The following MSRA variants were observed in gnomAD, a reference collection of about 807,000 sequenced individuals.
MSRA encodes the protein mitochondrial peptide methionine sulfoxide reductase.
MSRA carries 54 observed loss-of-function variants against 31.3 expected under a neutral mutation model. That is an observed-to-expected ratio of 1.73 (90% CI 1.39 to 2.17). The LOEUF (loss-of-function observed/expected upper bound fraction) is 2.17, where lower values mean the gene tolerates loss of function less well. Ranked by LOEUF, MSRA falls within the 30% of genes most tolerant of loss-of-function variation. The pLI, the probability that MSRA is intolerant of heterozygous loss-of-function variation, is 0.00. For synonymous variants in MSRA, 169 were observed against 116.5 expected (o/e 1.45, Z -2.90); for missense variants, 507 against 300.9 (o/e 1.69, Z -5.07).
chr8:10,370,067 C>A (rs904055607), intron 5 of MSRA, among the ~76,000 whole-genome samples: 3 of 152,106 alleles, frequency 2.0e-5, no homozygotes, highest in Non-Finnish European at 4.4e-5. Context: ...TTTTGTTTTG[C>A]CATCATTTTT....
chr8:10,157,094 C>T (rs1027580067), intron 1 of MSRA, among the ~76,000 whole-genome samples: 1 of 151,988 alleles, frequency 6.6e-6, no homozygotes, highest in African/African-American at 2.4e-5. Flanking sequence ...AATTTAAACC[C>T]AGTTCTTTCT....
intron 5 of MSRA, among the ~76,000 whole-genome samples, chr8:10,384,466 C>G (rs1308348890): frequency 6.6e-6 from 1 of 152,234 alleles, no homozygotes; most frequent in African/African-American, 2.4e-5. Context: ...GTCTTTCTCT[C>G]TCCTGGTGGA....
intron 3 of MSRA, among the ~76,000 whole-genome samples, chr8:10,293,239 C>G (rs555183703): frequency 6.6e-6 from 1 of 152,136 alleles, no homozygotes; most frequent in Non-Finnish European, 1.5e-5. Flanking sequence ...TGCGCCATCC[C>G]TATGATGGGC....
intron 3 of MSRA, among the ~76,000 whole-genome samples, chr8:10,249,595 G>C (rs1051832917): frequency 6.6e-6 from 1 of 152,096 alleles, no homozygotes; most frequent in African/African-American, 2.4e-5. Context: ...CAGATGTTTT[G>C]GGCCTGAATT....
chr8:10,156,943 C>T (rs1804205763), intron 1 of MSRA, among the ~76,000 whole-genome samples: 1 of 150,740 alleles, frequency 6.6e-6, no homozygotes, highest in African/African-American at 2.4e-5. Flanking sequence ...TTTATGAAGA[C>T]CTACTGTGTG....
chr8:10,246,803 A>G lies in MSRA; in HGVS notation c.331+1580A>G, dbSNP rs375781567. 4.6e-5 allele frequency among the ~76,000 whole-genome samples: 7 copies of G among 152,370 alleles called. No individual in the cohort carries two copies. The South Asian group carries it at 1.4e-3, about 32-fold the overall frequency. ...ATGGAGAATGTGGTGTAACAAACAA[A>G]TATTTTAATGGTTATCCTATTTTTT... On this transcript the variant is annotated intron_variant, in intron 3 of 5. Coordinates refer to ENST00000317173, the MANE Select transcript of MSRA (RefSeq NM_012331.5).
intron 3 of MSRA, among the ~76,000 whole-genome samples, chr8:10,283,774 C>G (rs1247294952): frequency 8.2e-6 from 1 of 121,326 alleles, no homozygotes; most frequent in Non-Finnish European, 1.6e-5. Flanking sequence ...TTAATTGATT[C>G]CTTTTTTGGT....
At chr8:10,071,608 A>G (rs914395551) in intron 1 of MSRA, among the ~76,000 whole-genome samples, 4 of 151,694 alleles carry the variant, frequency 2.6e-5, no homozygotes, top group African/African-American at 7.3e-5. Flanking sequence ...ATTTTTTCCT[A>G]TGCTTTTTGT....
intron 2 of MSRA, among the ~76,000 whole-genome samples, chr8:10,238,013 C>A (rs1812097879): frequency 6.6e-6 from 1 of 152,176 alleles, no homozygotes; most frequent in African/African-American, 2.4e-5. Flanking sequence ...ATGTGGCTAC[C>A]CATTTTACTC....
At chr8:10,182,879 G>A (rs1277870574) in intron 1 of MSRA, among the ~76,000 whole-genome samples, 1 of 152,176 alleles carries the variant, frequency 6.6e-6, no homozygotes, top group Admixed American at 6.5e-5. Context: ...TTCTATTAGT[G>A]AGAAGCAAGT....
At chr8:10,171,614 G>T (rs1405851908) in intron 1 of MSRA, among the ~76,000 whole-genome samples, 1 of 152,168 alleles carries the variant, frequency 6.6e-6, no homozygotes, top group East Asian at 1.9e-4. Flanking sequence ...ACATTTGATA[G>T]CACAGGCAAC....
chr8:10,162,202 G>A (rs1207310288), intron 1 of MSRA, among the ~76,000 whole-genome samples: 1 of 152,160 alleles, frequency 6.6e-6, no homozygotes, highest in Non-Finnish European at 1.5e-5. Context: ...CTGAGCCAAG[G>A]CTCTTATTTA....
At chr8:10,281,150 G>A (rs1585352968) in intron 3 of MSRA, among the ~76,000 whole-genome samples, 1 of 152,190 alleles carries the variant, frequency 6.6e-6, no homozygotes, top group Non-Finnish European at 1.5e-5. Context: ...GGATTGTATA[G>A]TATGTGAATT....
chr8:10,083,285 G>C (rs1359343278), intron 1 of MSRA, among the ~76,000 whole-genome samples: 1 of 152,146 alleles, frequency 6.6e-6, no homozygotes, highest in Non-Finnish European at 1.5e-5. Flanking sequence ...ACTCACTTTA[G>C]ATTTGTTTTC....
chr8:10,241,973 T>A (rs1370433963), intron 2 of MSRA, among the ~76,000 whole-genome samples: 2 of 152,144 alleles, frequency 1.3e-5, no homozygotes, highest in Non-Finnish European at 2.9e-5. Context: ...ATGTGTTGAT[T>A]AAAATGACTT....
intron 3 of MSRA, among the ~76,000 whole-genome samples, chr8:10,285,605 A>G (rs1045876633): frequency 3.3e-5 from 5 of 151,642 alleles, no homozygotes; most frequent in South Asian, 2.1e-4. Context: ...CCCCATCTCA[A>G]TGTATTTTGT....
chr8:10,097,119 T>A (rs1048519022), intron 1 of MSRA, among the ~76,000 whole-genome samples: 2 of 152,328 alleles, frequency 1.3e-5, no homozygotes. Context: ...ACATGTTTTT[T>A]ATAAAATTAT....
At chr8:10,093,384 C>A (rs183191453) in intron 1 of MSRA, among the ~76,000 whole-genome samples, 1 of 152,066 alleles carries the variant, frequency 6.6e-6, no homozygotes, top group Admixed American at 6.5e-5. Context: ...TTACAGTTAA[C>A]ATCTTAATTT....
intron 1 of MSRA, among the ~76,000 whole-genome samples, chr8:10,157,934 G>A (rs1458854740): frequency 1.3e-5 from 2 of 151,976 alleles, no homozygotes; most frequent in African/African-American, 2.4e-5. Context: ...TATTCCATTG[G>A]GCTACTATAA....
Sources: gnomAD v4.1 joint callset for allele counts (sites outside exome capture counted in the v4.1 genomes callset) on GRCh38, gnomAD v4.1.1 for gene constraint, MANE v1.5 for transcripts, NCBI Gene and HGNC (gene_info 2026-07-23, HGNC 2026-07-21) for gene names.